RBBP5: variants seen among roughly 807,000 people sequenced by gnomAD.
RBBP5 encodes RB binding protein 5, histone lysine methyltransferase complex subunit.
In RBBP5, 5 loss-of-function variants were observed where a neutral mutation model predicts 72.2. The ratio of observed to expected loss-of-function variants is 0.07; its 90% CI spans 0.04 to 0.15. The LOEUF is 0.15. Ranked by LOEUF, RBBP5 falls within the 10% of genes least tolerant of loss-of-function variation. The pLI is 1.00. For synonymous variants in RBBP5, 209 were observed against 237.2 expected, an observed-to-expected ratio of 0.88 and a Z score of 1.09; for missense variants, 322 against 652.2, an observed-to-expected ratio of 0.49 and a Z score of 5.51.
rs1411982845 is a variant in RBBP5 at position 205,086,278 on chromosome 1, C to T, written c.*2509G>A. The T allele has an allele frequency of 6.7e-6, 1 of 148,310 alleles. No individual in the cohort carries two copies. Among genetic ancestry groups the T allele is most frequent in the East Asian group, 2.0e-4 (1 of 5,014 alleles). 9.2% of individuals were successfully genotyped at this position (148,310 alleles called of 1,614,324 possible). On this transcript the variant is annotated 3_prime_UTR_variant, in exon 14 of 14. Coordinates refer to ENST00000264515, the MANE Select transcript of RBBP5 (RefSeq NM_005057.4). Reference sequence around the variant, plus strand: ...TTGAGATGGAGTCTTGCTCTGTCACCCAGGCTGGAGTGCAGTGGCGCAATC... The same window carrying T: ...TTGAGATGGAGTCTTGCTCTGTCACTCAGGCTGGAGTGCAGTGGCGCAATC...
At chr1:205,096,661 G>A (rs1655630507) in intron 12 of RBBP5, 21 bp downstream of exon 12, 4 of 1,605,882 alleles carry the variant, frequency 2.5e-6, no homozygotes, top group African/African-American at 2.7e-5. Context: ...CCAGGCCAGA[G>A]GGAGAAGATG....
chr1:205,095,952 G>A (rs1365223492), intron 12 of RBBP5, among the ~76,000 whole-genome samples: 1 of 152,158 alleles, frequency 6.6e-6, no homozygotes, highest in Non-Finnish European at 1.5e-5. Context: ...CAGCACTTAG[G>A]GAGGCCGAGG....
chr1:205,094,164 T>C (rs1275067139), intron 13 of RBBP5, among the ~76,000 whole-genome samples: 1 of 152,144 alleles, frequency 6.6e-6, no homozygotes, highest in East Asian at 1.9e-4. Flanking sequence ...AATATAAAAG[T>C]GAGAAAACTC....
Position 205,104,018 on chromosome 1 carries a change from T to C in RBBP5, c.361A>G (p.Asn121Asp), listed in dbSNP as rs780431729. The change falls in exon 5 of 14, where the codon AAC becomes GAC. Residue 121 changes from asparagine to aspartate, a missense_variant and splice_region_variant. This residue lies in a region of RBBP5 where 161 missense variants were observed against 327.8 expected (regional missense o/e 0.49). Coordinates refer to ENST00000264515, the MANE Select transcript of RBBP5 (RefSeq NM_005057.4). The part of the protein sequence containing the change: ...LKVQYHPRDQ[N>D]KVLVCPMKSA... ...TTCATGGGACACACGAGAACCTTGT[T>C]CCTGTTTAAAAATACGAACAGTACA... 6.2e-7 allele frequency: 1 copy of C among 1,612,378 alleles called. No individual in the cohort carries two copies. Among genetic ancestry groups the C allele is most frequent in the Non-Finnish European group, 8.5e-7 (1 of 1,178,494 alleles).
chr1:205,097,313 C>T lies in RBBP5; in HGVS notation c.1166+13G>A, dbSNP rs374650491. 1.8e-5 allele frequency: 28 copies of T among 1,551,376 alleles called. No homozygotes were observed. The Admixed American group carries it at 3.1e-4, about 17-fold the overall frequency. ...GCAGTAGCCAAGGTGCCCAGCCTTC[C>T]GGGCCGGCTCACCTGCTACAGAAGG... is the stretch of plus-strand genomic sequence containing the variant. On this transcript the variant is annotated intron_variant, in intron 11 of 13. Transcript: ENST00000264515.
intron 6 of RBBP5, among the ~76,000 whole-genome samples, chr1:205,100,692 G>A (rs1040173152): frequency 3.3e-5 from 5 of 152,252 alleles, no homozygotes; most frequent in African/African-American, 1.2e-4. Context: ...AAATCTGTAT[G>A]AAATATTAGT....
chr1:205,109,187 T>A (rs1323515877), intron 3 of RBBP5, among the ~76,000 whole-genome samples: 2 of 151,974 alleles, frequency 1.3e-5, no homozygotes, highest in African/African-American at 4.8e-5. Context: ...TAAAGAGGCC[T>A]AAAGGTGTTA....
At chr1:205,101,003 T>C (rs1293072820) in intron 6 of RBBP5, among the ~76,000 whole-genome samples, 1 of 152,170 alleles carries the variant, frequency 6.6e-6, no homozygotes, top group African/African-American at 2.4e-5. Context: ...CTGCTGCTGA[T>C]CTGACAGGAG....
chr1:205,099,272 A>G lies in RBBP5; in HGVS notation c.979-166T>C, dbSNP rs1433095432. On this transcript the variant is annotated intron_variant, in intron 9 of 13. Coordinates refer to ENST00000264515, the MANE Select transcript of RBBP5 (RefSeq NM_005057.4). This position sits in a 1 kb window ranked among gnomAD's most constrained non-coding sequence, Gnocchi z 4.7. ...ATCTGTAAGTTTTACTAGCTTAGGT[A>G]TTTTCTATCTTAAACATTAAGATAA... Among the ~76,000 whole-genome samples, 1 of 152,184 alleles carries G rather than the reference A, an allele frequency of 6.6e-6. No individual in the cohort carries two copies. The highest frequency in any genetic ancestry group is 1.5e-5 in the Non-Finnish European group (1 of 68,034).
intron 6 of RBBP5, among the ~76,000 whole-genome samples, chr1:205,100,823 T>G (rs1025264611): frequency 1.3e-5 from 2 of 152,230 alleles, no homozygotes; most frequent in African/African-American, 4.8e-5. Context: ...GGGACTGGTT[T>G]TGTGGAAGAC....
At chr1:205,114,191 A>G (rs1470961098) in intron 3 of RBBP5, among the ~76,000 whole-genome samples, 7 of 152,192 alleles carry the variant, frequency 4.6e-5, no homozygotes, top group African/African-American at 7.2e-5. Flanking sequence ...ATTTAGACAA[A>G]AGGAGATAGA....
chr1:205,100,356 T>G lies in RBBP5; in HGVS notation c.633-85A>C, dbSNP rs111354064. The G allele has an allele frequency of 7.8e-3, 11,623 of 1,498,446 alleles. 86 individuals are homozygous for G. The highest frequency in any genetic ancestry group is 0.035 in the Middle Eastern group (197 of 5,660). 92.8% of individuals were successfully genotyped at this position (1,498,446 alleles called of 1,614,324 possible). On this transcript the variant is annotated intron_variant, in intron 6 of 13. Transcript: ENST00000264515. ...AAACGACTAATAAACTAGGGAAGAA[T>G]TGAGGAAAAATCAAAGTAATAGACT... is the stretch of plus-strand genomic sequence containing the variant.
chr1:205,108,524 CA>C lies in RBBP5; in HGVS notation c.219-3357del, dbSNP rs575920137. Among the ~76,000 whole-genome samples, 164 of 152,140 alleles carry C rather than the reference CA, an allele frequency of 1.1e-3. 1 individual carries two copies. Among genetic ancestry groups the C allele is most frequent in the African/African-American group, 3.7e-3 (154 of 41,532 alleles). ...CTAAAGCTACACAAGGGTATACACT[CA>C]AAAAACACTACAGATAAAGCAAAAT... On this transcript the variant is annotated intron_variant, in intron 3 of 13. Transcript: ENST00000264515.
chr1:205,096,942 GA>G, intron 11 of RBBP5, 31 bp from the exon 12 acceptor site: 1 of 1,527,862 alleles, frequency 6.5e-7, no homozygotes, highest in Admixed American at 2.2e-5. Flanking sequence ...CAAGGGATTG[GA>G]AAAAAGAGGA....
chr1:205,120,882 C>T (rs1656711823), intron 1 of RBBP5, among the ~76,000 whole-genome samples: 1 of 152,118 alleles, frequency 6.6e-6, no homozygotes, highest in Non-Finnish European at 1.5e-5. Flanking sequence ...GACATTCACT[C>T]TCTGTTCCAA....
chr1:205,116,546 C>T (rs1301830555), intron 1 of RBBP5, among the ~76,000 whole-genome samples: 1 of 152,182 alleles, frequency 6.6e-6, no homozygotes, highest in South Asian at 2.1e-4. Context: ...GAGCCGGGCT[C>T]GGTGGCTCAC....
At chr1:205,120,306 T>C (rs1656686651) in intron 1 of RBBP5, among the ~76,000 whole-genome samples, 1 of 152,160 alleles carries the variant, frequency 6.6e-6, no homozygotes. Context: ...TCAATGGATC[T>C]ACCCTACCTT....
chr1:205,089,499 G>T (rs554759402), intron 13 of RBBP5, among the ~76,000 whole-genome samples: 1 of 152,320 alleles, frequency 6.6e-6, no homozygotes, highest in Admixed American at 6.5e-5. Context: ...AGAAGAAGGT[G>T]AAGAAAATCC....
chr1:205,091,018 T>C (rs1035314313), intron 13 of RBBP5: 1 of 151,648 alleles, frequency 6.6e-6, no homozygotes, highest in African/African-American at 2.4e-5. Context: ...AGGGCAGTGG[T>C]GTAGCGCAGC....
Sources: allele counts gnomAD v4.1 joint callset (sites outside exome capture counted in the v4.1 genomes callset), GRCh38; gene constraint gnomAD v4.1.1; regional missense constraint gnomAD v4.1.1; non-coding constraint Gnocchi (gnomAD v3.1); transcripts MANE v1.5; gene names NCBI Gene and HGNC (gene_info 2026-07-23, HGNC 2026-07-21).